Variants in ARHGAP5 observed in about 807,000 individuals in gnomAD.
ARHGAP5 encodes Rho GTPase activating protein 5, also known as rho GTPase-activating protein 5.
In ARHGAP5, 23 loss-of-function variants were observed where a neutral mutation model predicts 116.6. The observed-to-expected ratio is 0.20, with a 90% CI of 0.14 to 0.28. ARHGAP5 has a LOEUF of 0.28. Ranked by LOEUF, ARHGAP5 falls within the 10% of genes least tolerant of loss-of-function variation. ARHGAP5 has a pLI of 1.00. For missense variants in ARHGAP5, 1,405 were observed against 1,774.8 expected (o/e 0.79, Z 3.74); for synonymous variants, 574 against 602.0 (o/e 0.95, Z 0.68).
Position 32,091,407 on chromosome 14 carries a change from G to C in ARHGAP5, c.738G>C (p.Leu246Phe). Reference sequence around the variant, plus strand: ...GTTTTACTGCACTGGTACAAATGTTGGATAAAACTCGTAGCAAGCCTAAAA... The same window carrying C: ...GTTTTACTGCACTGGTACAAATGTTCGATAAAACTCGTAGCAAGCCTAAAA... ...ETCFTALVQM[L>F]DKTRSKPKII... Residue 246 changes from leucine (L) to phenylalanine (F), a missense_variant, in exon 2 of 7, where the codon TTG becomes TTC. Physicochemically the swap from Leu to Phe is conservative, Grantham distance 22. This residue lies in a region of ARHGAP5 where 190 missense variants were observed against 314.9 expected (regional missense o/e 0.60). Transcript: ENST00000345122. 6.2e-7 allele frequency: 1 copy of C among 1,610,514 alleles called. No individual in the cohort carries two copies. The highest frequency in any genetic ancestry group is 2.2e-5 in the East Asian group (1 of 44,832).
At chr14:32,127,628 C>G (rs182672611) in intron 3 of ARHGAP5, among the ~76,000 whole-genome samples, 57 of 152,350 alleles carry the variant, frequency 3.7e-4, no homozygotes, top group African/African-American at 1.3e-3. Context: ...CACATTTCCC[C>G]CTTTTCTATT....
rs1423405885 is a variant in ARHGAP5, at chr14:32,093,108, T to A, written c.2439T>A (p.Asn813Lys). The A allele has an allele frequency of 6.2e-7, 1 of 1,613,972 alleles. No individual in the cohort carries two copies. Residue 813 changes from asparagine (N) to lysine (K), a missense_variant, in exon 2 of 7, where the codon AAT (asparagine) becomes AAA (lysine). By Grantham distance (94) the Asn-to-Lys change is moderately conservative. Around this residue, in one of 6 missense-constraint regions of ARHGAP5, gnomAD observed 944 missense variants for 1,095.3 expected, o/e 0.86. Coordinates refer to ENST00000345122, the MANE Select transcript of ARHGAP5 (RefSeq NM_001030055.2). ...GCAGTGCTGCTCAAGCTGGACAGAA[T>A]AATTCCCTAATGCTTGATAAAATCA... ...HSCSAAQAGQ[N>K]NSLMLDKIIG...
intron 3 of ARHGAP5, among the ~76,000 whole-genome samples, chr14:32,140,464 G>T (rs1881069317): frequency 6.6e-6 from 1 of 151,888 alleles, no homozygotes; most frequent in Admixed American, 6.6e-5. Context: ...GCGGGCGCAT[G>T]CTGTAGTCCT....
At chr14:32,149,099 T>TA (rs1157336561) in intron 4 of ARHGAP5, among the ~76,000 whole-genome samples, 9 of 152,146 alleles carry the variant, frequency 5.9e-5, no homozygotes, top group Non-Finnish European at 1.3e-4. Context: ...TTATCCCAGA[T>TA]ACGAAATGTT....
Position 32,093,515 on chromosome 14 carries a change from A to C in ARHGAP5, c.2846A>C (p.Tyr949Ser). 1 of 1,613,136 alleles carries C rather than the reference A, an allele frequency of 6.2e-7. No homozygotes were observed. Among genetic ancestry groups the C allele is most frequent in the Non-Finnish European group, 8.5e-7 (1 of 1,179,718 alleles). ...LEKKNMIENSYLSDNTRESTH... is the reference protein window; with the variant it reads ...LEKKNMIENSSLSDNTRESTH... The stretch of plus-strand genomic sequence containing the variant: ...AAAAAAAATATGATAGAAAATTCTT[A>C]TTTGTCTGATAATACAAGGGAATCA... Residue 949 changes from tyrosine to serine, a missense_variant, in exon 2 of 7, where the codon TAT (tyrosine) becomes TCT (serine). Coordinates refer to ENST00000345122, the MANE Select transcript of ARHGAP5 (RefSeq NM_001030055.2).
chr14:32,095,390 A>G (rs1278496906), intron 2 of ARHGAP5, among the ~76,000 whole-genome samples: 1 of 147,426 alleles, frequency 6.8e-6, no homozygotes. Context: ...TGGAAAAGGC[A>G]TGTAAACTTT....
chr14:32,144,482 A>ATATT (rs1233575579), intron 3 of ARHGAP5, among the ~76,000 whole-genome samples: 4 of 151,046 alleles, frequency 2.6e-5, no homozygotes, highest in African/African-American at 9.7e-5. Flanking sequence ...ATTTATATTT[A>ATATT]TATTTATTTA....
chr14:32,132,765 A>G (rs1880573249), intron 3 of ARHGAP5, among the ~76,000 whole-genome samples: 1 of 152,132 alleles, frequency 6.6e-6, no homozygotes, highest in Non-Finnish European at 1.5e-5. Context: ...TTTTTGTGTA[A>G]GGTGTAAGGA....
rs778415486 is a variant in ARHGAP5, at chr14:32,091,689, T to C, written c.1020T>C (p.Asn340=). The C allele has an allele frequency of 7.5e-5, 120 of 1,609,924 alleles. No homozygotes were observed. The highest frequency in any genetic ancestry group is 9.5e-5 in the Non-Finnish European group (112 of 1,178,632). ...HIRKRREEYI[N]TLPRAFNTLL... ...GAAAAAGGAGAGAAGAGTATATAAA[T>C]ACTTTACCAAGAGCTTTTAACACTC... Residue 340 remains asparagine (N), a synonymous_variant, in exon 2 of 7, where the codon AAT becomes AAC. Coordinates refer to ENST00000345122, the MANE Select transcript of ARHGAP5 (RefSeq NM_001030055.2).
chr14:32,151,990 G>A lies in ARHGAP5; in HGVS notation c.4076-433G>A, dbSNP rs556706036. On this transcript the variant is annotated intron_variant, in intron 5 of 6. Transcript: ENST00000345122. ...GGCTCTCCAACCCCTAGGCCACACAGCCTGGCTTGTTAGGAACCAGGCTGC... is the reference window on the plus strand; with the variant it reads ...GGCTCTCCAACCCCTAGGCCACACAACCTGGCTTGTTAGGAACCAGGCTGC... Among the ~76,000 whole-genome samples, 10 of 152,248 alleles carry A rather than the reference G, an allele frequency of 6.6e-5. 1 individual carries two copies. In the South Asian group the frequency reaches 2.1e-3, roughly 32 times the overall value.
In ARHGAP5 at chr14:32,092,102, A is replaced by G. The variant is rs776741988; in HGVS notation, c.1433A>G (p.His478Arg). The G allele has an allele frequency of 6.2e-7, 1 of 1,613,940 alleles. No homozygotes were observed. The highest frequency in any genetic ancestry group is 8.5e-7 in the Non-Finnish European group (1 of 1,179,836). ...GATAGCAAAGAGGTATATGGTAGGC[A>G]TCAGCGAGAAATAGTTGAAAAAGCC... ...EADSKEVYGR[H>R]QREIVEKAKE... The change falls in exon 2 of 7, where the codon CAT (histidine) becomes CGT (arginine). Residue 478 changes from histidine (H) to arginine (R), a missense_variant. This residue lies in a region of ARHGAP5 where 944 missense variants were observed against 1,095.3 expected (regional missense o/e 0.86). Coordinates refer to ENST00000345122, the MANE Select transcript of ARHGAP5 (RefSeq NM_001030055.2). This position sits in a 1 kb window ranked among gnomAD's most constrained non-coding sequence, Gnocchi z 4.1.
intron 1 of ARHGAP5, among the ~76,000 whole-genome samples, chr14:32,089,307 A>G (rs888797026): frequency 1.3e-5 from 2 of 151,778 alleles, no homozygotes; most frequent in Non-Finnish European, 2.9e-5. Context: ...GGGAGAGGGG[A>G]GGAAGTGGTC....
chr14:32,092,748 T>G lies in ARHGAP5; in HGVS notation c.2079T>G (p.Asn693Lys), dbSNP rs1878329768. Residue 693 changes from asparagine (N) to lysine (K), a missense_variant, in exon 2 of 7, where the codon AAT becomes AAG. Physicochemically the swap from Asn to Lys is moderately conservative, Grantham distance 94. This residue lies in a region of ARHGAP5 where 944 missense variants were observed against 1,095.3 expected (regional missense o/e 0.86). Transcript: ENST00000345122. This position sits in a 1 kb window ranked among gnomAD's most constrained non-coding sequence, Gnocchi z 4.1. Reference protein sequence around the residue: ...SQIRKDKYMANLPFTLILANQ... With the variant: ...SQIRKDKYMAKLPFTLILANQ... ...TCAGAAAAGATAAATACATGGCTAATCTTCCATTTACATTAATTCTGGCTA... is the reference window on the plus strand; with the variant it reads ...TCAGAAAAGATAAATACATGGCTAAGCTTCCATTTACATTAATTCTGGCTA... 6.2e-7 allele frequency: 1 copy of G among 1,613,722 alleles called. No homozygotes were observed. Among genetic ancestry groups the G allele is most frequent in the African/African-American group, 1.3e-5 (1 of 74,916 alleles).
chr14:32,104,759 A>G (rs1878934330), intron 2 of ARHGAP5, among the ~76,000 whole-genome samples: 1 of 152,188 alleles, frequency 6.6e-6, no homozygotes, highest in Admixed American at 6.5e-5. Flanking sequence ...CTCAGTCTTG[A>G]GTCGTGTATG....
At chr14:32,131,132 C>T (rs904586829) in intron 3 of ARHGAP5, among the ~76,000 whole-genome samples, 2 of 152,054 alleles carry the variant, frequency 1.3e-5, no homozygotes, top group South Asian at 4.1e-4. Context: ...ATTCTATTGT[C>T]TAATATAATG....
At chr14:32,077,654 C>T (rs1363075464) in intron 1 of ARHGAP5, among the ~76,000 whole-genome samples, 1 of 152,050 alleles carries the variant, frequency 6.6e-6, no homozygotes. Flanking sequence ...GCGTGAAGGG[C>T]AGAGAGGCCG....
At chr14:32,103,279 A>G (rs901943655) in intron 2 of ARHGAP5, among the ~76,000 whole-genome samples, 1 of 152,224 alleles carries the variant, frequency 6.6e-6, no homozygotes, top group Non-Finnish European at 1.5e-5. Flanking sequence ...TGTGTTGTCC[A>G]TTTGATCATG....
intron 1 of ARHGAP5, among the ~76,000 whole-genome samples, chr14:32,079,792 G>T (rs1443948349): frequency 2.0e-5 from 3 of 152,048 alleles, no homozygotes; most frequent in African/African-American, 7.2e-5. Context: ...AAGTTTTGTC[G>T]CAACTGTAGT....
intron 2 of ARHGAP5, among the ~76,000 whole-genome samples, chr14:32,103,335 A>T (rs1418663032): frequency 1.3e-5 from 2 of 152,180 alleles, no homozygotes; most frequent in Admixed American, 1.3e-4. Flanking sequence ...TAGATGGTTA[A>T]TTTTTAAAGT....
Sources: allele counts gnomAD v4.1 joint callset (sites outside exome capture counted in the v4.1 genomes callset), GRCh38; gene constraint gnomAD v4.1.1; regional missense constraint gnomAD v4.1.1; non-coding constraint Gnocchi (gnomAD v3.1); transcripts MANE v1.5; gene names NCBI Gene and HGNC (gene_info 2026-07-23, HGNC 2026-07-21).